The following DCDC2 variants were observed in gnomAD, a reference collection of about 807,000 sequenced individuals.
DCDC2 encodes the protein doublecortin domain-containing protein 2.
Under a neutral mutation model 50.2 loss-of-function variants are expected in DCDC2, and 40 were observed. The ratio of observed to expected loss-of-function variants is 0.80; its 90% CI spans 0.62 to 1.04. DCDC2 has a LOEUF of 1.04. Ranked by LOEUF, DCDC2 falls within the 50% of genes least tolerant of loss-of-function variation. The pLI, the probability that DCDC2 is intolerant of heterozygous loss-of-function variation, is 0.00. For synonymous variants in DCDC2, 234 were observed against 210.6 expected, an observed-to-expected ratio of 1.11 and a Z score of -0.96; for missense variants, 570 against 581.9, an observed-to-expected ratio of 0.98 and a Z score of 0.21.
chr6:24,234,902 A>T (rs938038602), intron 7 of DCDC2, among the ~76,000 whole-genome samples: 1 of 152,224 alleles, frequency 6.6e-6, no homozygotes, highest in African/African-American at 2.4e-5. Flanking sequence ...CACACTTGCC[A>T]AACACCCAGA....
chr6:24,311,889 G>A (rs1321889122), intron 2 of DCDC2, among the ~76,000 whole-genome samples: 1 of 152,144 alleles, frequency 6.6e-6, no homozygotes, highest in African/African-American at 2.4e-5. Flanking sequence ...CCTGATGTCA[G>A]GCCTCTGAGC....
chr6:24,326,426 C>T (rs1759865993), intron 2 of DCDC2, among the ~76,000 whole-genome samples: 1 of 145,964 alleles, frequency 6.9e-6, no homozygotes, highest in African/African-American at 2.5e-5. Flanking sequence ...TATAGATGAT[C>T]CATAAAATTA....
chr6:24,249,245 A>G (rs1337652083), intron 7 of DCDC2, among the ~76,000 whole-genome samples: 1 of 152,192 alleles, frequency 6.6e-6, no homozygotes, highest in East Asian at 1.9e-4. Flanking sequence ...TCCATAATTA[A>G]AAATATACTA....
Position 24,174,611 on chromosome 6 carries a change from C to T in DCDC2, c.*119G>A, listed in dbSNP as rs1171197139. ...CCACTAGGCTTCTAATGTTATAATT[C>T]GTAGGTAGTATTCGACCATAGTGTC... On this transcript the variant is annotated 3_prime_UTR_variant, in exon 10 of 10. Transcript: ENST00000378454. 2.1e-5 allele frequency: 13 copies of T among 609,006 alleles called. No individual in the cohort carries two copies. Among genetic ancestry groups the T allele is most frequent in the Non-Finnish European group, 3.4e-5 (12 of 357,262 alleles). The allele number at this position is 609,006 out of a possible 1,614,324, so 37.7% of individuals were successfully genotyped here. A position where few individuals can be genotyped will look rare whatever the true frequency, so the allele number is the denominator to read the frequency against.
chr6:24,197,165 A>G (rs956885681), intron 8 of DCDC2, among the ~76,000 whole-genome samples: 2 of 152,136 alleles, frequency 1.3e-5, no homozygotes, highest in African/African-American at 2.4e-5. Context: ...TCTCCTGCAT[A>G]CCTGCATTTT....
chr6:24,308,238 G>T (rs897461163), intron 2 of DCDC2, among the ~76,000 whole-genome samples: 1 of 152,218 alleles, frequency 6.6e-6, no homozygotes, highest in Non-Finnish European at 1.5e-5. Context: ...CTAATAGCTG[G>T]ACTAATTGTA....
intron 2 of DCDC2, among the ~76,000 whole-genome samples, chr6:24,303,651 C>A (rs145259297): frequency 2.0e-5 from 3 of 152,314 alleles, no homozygotes; most frequent in African/African-American, 7.2e-5. Context: ...ACAAACAACA[C>A]TAATTTATAA....
chr6:24,209,096 T>C (rs1462988368), intron 7 of DCDC2, among the ~76,000 whole-genome samples: 1 of 152,212 alleles, frequency 6.6e-6, no homozygotes, highest in African/African-American at 2.4e-5. Context: ...AATAAGAATA[T>C]GTTTCCCCTC....
chr6:24,211,441 G>C (rs1488187218), intron 7 of DCDC2, among the ~76,000 whole-genome samples: 1 of 152,152 alleles, frequency 6.6e-6, no homozygotes, highest in Non-Finnish European at 1.5e-5. Flanking sequence ...CATCCTGATC[G>C]TAAGAAACTG....
intron 2 of DCDC2, among the ~76,000 whole-genome samples, chr6:24,317,208 TTATTC>T (rs762249562): frequency 2.6e-5 from 4 of 152,092 alleles, no homozygotes; most frequent in Non-Finnish European, 5.9e-5. Context: ...AAAACTATAC[TTATTC>T]TAAACTACAA....
chr6:24,243,612 G>A (rs756050380), intron 7 of DCDC2, among the ~76,000 whole-genome samples: 4 of 152,284 alleles, frequency 2.6e-5, no homozygotes, highest in Non-Finnish European at 4.4e-5. Flanking sequence ...ATTGCTTCAG[G>A]ATGGCAGCTT....
rs546180775 is a variant in DCDC2 at position 24,179,372 on chromosome 6, C to T, written c.1024-740G>A. Among the ~76,000 whole-genome samples, 17 of 149,686 alleles carry T rather than the reference C, an allele frequency of 1.1e-4. No homozygotes were observed. In the East Asian group the frequency reaches 3.4e-3, roughly 30 times the overall value. ...ACCATCCTGGCTAACATGGTGAAAC[C>T]CCATCTCTACTAAAAATACAAAAAA... On this transcript the variant is annotated intron_variant, in intron 8 of 9. Coordinates refer to ENST00000378454, the MANE Select transcript of DCDC2 (RefSeq NM_016356.5).
chr6:24,199,553 C>A (rs183442298), intron 8 of DCDC2, among the ~76,000 whole-genome samples: 149 of 152,202 alleles, frequency 9.8e-4, no homozygotes, highest in African/African-American at 3.4e-3. Context: ...ACAAAGATGA[C>A]AATAAACCAG....
At chr6:24,237,210 T>C (rs894676972) in intron 7 of DCDC2, among the ~76,000 whole-genome samples, 8 of 151,614 alleles carry the variant, frequency 5.3e-5, no homozygotes, top group Admixed American at 4.6e-4. Flanking sequence ...CAGGCCCTAA[T>C]TGAGAGCAGA....
intron 2 of DCDC2, among the ~76,000 whole-genome samples, chr6:24,306,520 A>AGAT (rs1759476291): frequency 7.3e-6 from 1 of 136,988 alleles, no homozygotes; most frequent in Non-Finnish European, 1.6e-5. Context: ...ATAGATAGAT[A>AGAT]GATAGATAGA....
At chr6:24,203,807 C>CTTTG (rs1192891705) in intron 8 of DCDC2, among the ~76,000 whole-genome samples, 7 of 150,428 alleles carry the variant, frequency 4.7e-5, no homozygotes, top group Non-Finnish European at 7.4e-5. Context: ...AACAAACAAA[C>CTTTG]CCATCAAAAA....
the DCDC2 span, among the ~76,000 whole-genome samples, chr6:24,378,320 T>C: frequency 6.6e-6 from 1 of 152,120 alleles, no homozygotes; most frequent in African/African-American, 2.4e-5. Flanking sequence ...TTGCATACTG[T>C]CTTCAGACTA....
chr6:24,185,351 A>C (rs1380115532), intron 8 of DCDC2, among the ~76,000 whole-genome samples: 1 of 152,222 alleles, frequency 6.6e-6, no homozygotes, highest in South Asian at 2.1e-4. Flanking sequence ...AAATGAAGCC[A>C]CATCTGGTTA....
At chr6:24,234,017 G>A (rs1032577603) in intron 7 of DCDC2, among the ~76,000 whole-genome samples, 2 of 152,258 alleles carry the variant, frequency 1.3e-5, no homozygotes, top group South Asian at 4.1e-4. Flanking sequence ...TCTTGTGAGA[G>A]ATGCACATAA....
Sources: allele counts gnomAD v4.1 joint callset (sites outside exome capture counted in the v4.1 genomes callset), GRCh38; gene constraint gnomAD v4.1.1; transcripts MANE v1.5; gene names NCBI Gene and HGNC (gene_info 2026-07-23, HGNC 2026-07-21).